ADCK1: variants seen among roughly 807,000 people sequenced by gnomAD.
ADCK1 encodes aarF domain-containing protein kinase 1.
ADCK1 carries 41 observed loss-of-function variants against 52.3 expected under a neutral mutation model. The observed-to-expected ratio is 0.78, with a 90% CI of 0.61 to 1.02. ADCK1 has a LOEUF of 1.02. Ranked by LOEUF, ADCK1 falls within the 50% of genes least tolerant of loss-of-function variation. ADCK1 has a pLI of 0.00. For missense variants in ADCK1, 658 were observed against 679.5 expected, an observed-to-expected ratio of 0.97 and a Z score of 0.35; for synonymous variants, 250 against 274.6, an observed-to-expected ratio of 0.91 and a Z score of 0.89.
At chr14:77,907,037 C>T (rs1328167389) in intron 6 of ADCK1, among the ~76,000 whole-genome samples, 4 of 152,168 alleles carry the variant, frequency 2.6e-5, no homozygotes, top group Non-Finnish European at 4.4e-5. Context: ...CCACCTTAGC[C>T]TCCCAAGCTG....
Position 77,923,891 on chromosome 14 carries a change from G to A in ADCK1, c.859-566G>A, listed in dbSNP as rs189964371. On this transcript the variant is annotated intron_variant, in intron 7 of 10. Coordinates refer to ENST00000238561, the MANE Select transcript of ADCK1 (RefSeq NM_020421.4). This position sits in a 1 kb window ranked among gnomAD's most constrained non-coding sequence, Gnocchi z 4.3. ...CTGGCAGGGAGGGGAGCAGGGAGAGGGGAGGGGAGCAGGGAGAGGGGAGGC... is the reference window on the plus strand; with the variant it reads ...CTGGCAGGGAGGGGAGCAGGGAGAGAGGAGGGGAGCAGGGAGAGGGGAGGC... 1 of 153,554 alleles carries A rather than the reference G, an allele frequency of 6.5e-6. No homozygotes were observed. The highest frequency in any genetic ancestry group is 1.9e-4 in the East Asian group (1 of 5,178). 9.5% of individuals were successfully genotyped at this position (153,554 alleles called of 1,614,324 possible).
chr14:77,914,551 G>T (rs952645856), intron 7 of ADCK1: 2 of 985,288 alleles, frequency 2.0e-6, no homozygotes, highest in Admixed American at 1.2e-4. Context: ...TGTGGGAGAG[G>T]GTGGGGCTGG....
At chr14:77,880,354 A>C (rs894381845) in intron 4 of ADCK1, among the ~76,000 whole-genome samples, 1 of 152,246 alleles carries the variant, frequency 6.6e-6, no homozygotes, top group African/African-American at 2.4e-5. Flanking sequence ...GGAGGGCCTC[A>C]GGTTCTGCTG....
In ADCK1 at chr14:77,859,276, G is replaced by A. The variant is rs1036057735; in HGVS notation, c.420G>A (p.Lys140=). The A allele has an allele frequency of 3.7e-6, 6 of 1,613,140 alleles. No individual in the cohort carries two copies. The highest frequency in any genetic ancestry group is 1.7e-4 in the Middle Eastern group (1 of 6,054). ...AGGTCATCCGAGAAGATCTGGGCAA[G>A]GAGGTACCCACCTTTGCAGGGGGGA... ...IRQVIREDLG[K]EIHDLFQSFD... The change falls in exon 4 of 11, where the codon AAG becomes AAA. Residue 140 remains lysine (K), a synonymous_variant. Coordinates refer to ENST00000238561, the MANE Select transcript of ADCK1 (RefSeq NM_020421.4).
chr14:77,919,753 T>C (rs1385786188), intron 7 of ADCK1, among the ~76,000 whole-genome samples: 12 of 152,196 alleles, frequency 7.9e-5, no homozygotes, highest in Admixed American at 6.5e-4. Context: ...TCTATTATTT[T>C]TGATTTTTTG....
chr14:77,917,166 A>C (rs1397135078), intron 7 of ADCK1, among the ~76,000 whole-genome samples: 1 of 152,194 alleles, frequency 6.6e-6, no homozygotes, highest in East Asian at 1.9e-4. Flanking sequence ...TCGAGGCTGC[A>C]GTGAGCCATG....
In ADCK1 at chr14:77,822,469, T is replaced by A. The variant is rs142005080; in HGVS notation, c.170T>A (p.Leu57Gln). The A allele has an allele frequency of 1.9e-6, 3 of 1,614,132 alleles. No homozygotes were observed. The highest frequency in any genetic ancestry group is 2.5e-6 in the Non-Finnish European group (3 of 1,180,016). Reference sequence around the variant, plus strand: ...ATCAGTTACGACTACCTCACTTCCCTGAAGAGTGTCCCTTATGGCTCAGAG... The same window carrying A: ...ATCAGTTACGACTACCTCACTTCCCAGAAGAGTGTCCCTTATGGCTCAGAG... ...AVISYDYLTS[L>Q]KSVPYGSEEY... Residue 57 changes from leucine (L) to glutamine (Q), a missense_variant, in exon 3 of 11, where the codon CTG becomes CAG. By Grantham distance (113) the Leu-to-Gln change is moderately radical. Transcript: ENST00000238561.
chr14:77,843,798 C>T (rs909980759), intron 3 of ADCK1, among the ~76,000 whole-genome samples: 4 of 152,156 alleles, frequency 2.6e-5, no homozygotes, highest in Non-Finnish European at 4.4e-5. Context: ...TAATTCCTTT[C>T]GCTTAAACTC....
Position 77,842,316 on chromosome 14 carries a change from A to G in ADCK1, c.220-16760A>G, listed in dbSNP as rs1413155455. On this transcript the variant is annotated intron_variant, in intron 3 of 10. Transcript: ENST00000238561. ...AGTTCTTTAATTTCATCTAATTTCTATGTGTGTTCACTTGTCCGCCAAATG... is the reference window on the plus strand; with the variant it reads ...AGTTCTTTAATTTCATCTAATTTCTGTGTGTGTTCACTTGTCCGCCAAATG... 7.9e-5 allele frequency among the ~76,000 whole-genome samples: 12 copies of G among 152,052 alleles called. No individual in the cohort carries two copies. The East Asian group carries it at 1.5e-3, about 20-fold the overall frequency.
chr14:77,852,883 GTATATATATA>G (rs1287274541), intron 3 of ADCK1, among the ~76,000 whole-genome samples: 13 of 18,520 alleles, frequency 7.0e-4, no homozygotes, highest in African/African-American at 3.1e-3. Context: ...TTTTATGTGT[GTATATATATA>G]TATATATATA....
At chr14:77,848,350 T>A (rs550385273) in intron 3 of ADCK1, among the ~76,000 whole-genome samples, 1 of 152,360 alleles carries the variant, frequency 6.6e-6, no homozygotes, top group Non-Finnish European at 1.5e-5. Flanking sequence ...GACCTCTAAC[T>A]TTTTGGAGCC....
intron 1 of ADCK1, among the ~76,000 whole-genome samples, chr14:77,800,649 C>G (rs2139974952): frequency 6.6e-6 from 1 of 152,378 alleles, no homozygotes; most frequent in South Asian, 2.1e-4. Context: ...GAACGTGCCC[C>G]AGACCGCTGC....
At chr14:77,875,664 G>A (rs1335742457) in intron 4 of ADCK1, among the ~76,000 whole-genome samples, 3 of 152,146 alleles carry the variant, frequency 2.0e-5, no homozygotes, top group African/African-American at 7.2e-5. Context: ...CCCCACTGCT[G>A]TGTGTGAACT....
intron 5 of ADCK1, among the ~76,000 whole-genome samples, chr14:77,894,168 G>A (rs1012750064): frequency 1.3e-5 from 2 of 152,176 alleles, no homozygotes; most frequent in Non-Finnish European, 2.9e-5. Flanking sequence ...GGCCACCCAA[G>A]GAAACTTCTC....
At chr14:77,906,387 G>A (rs2140254270) in intron 6 of ADCK1, among the ~76,000 whole-genome samples, 1 of 152,346 alleles carries the variant, frequency 6.6e-6, no homozygotes, top group Admixed American at 6.5e-5. Flanking sequence ...GGGGGTACTG[G>A]TGGGTGTCCC....
intron 1 of ADCK1, among the ~76,000 whole-genome samples, chr14:77,807,067 C>CTTTTTT (rs36088814): frequency 1.8e-4 from 15 of 83,210 alleles, no homozygotes; most frequent in African/African-American, 5.8e-4. Flanking sequence ...GAGACAGAGT[C>CTTTTTT]TTTTTTTTTT....
intron 3 of ADCK1, among the ~76,000 whole-genome samples, chr14:77,858,308 G>A (rs544005836): frequency 6.6e-6 from 1 of 152,216 alleles, no homozygotes; most frequent in South Asian, 2.1e-4. Context: ...TATGATCTCG[G>A]CTCACTGCAA....
intron 3 of ADCK1, among the ~76,000 whole-genome samples, chr14:77,856,070 C>T (rs1016484383): frequency 8.6e-5 from 13 of 151,994 alleles, no homozygotes; most frequent in South Asian, 4.2e-4. Context: ...ATTAGCTAGG[C>T]GTGGTCGCGG....
Position 77,917,042 on chromosome 14 carries a change from A to T in ADCK1, c.859-7415A>T, listed in dbSNP as rs138943411. Among the ~76,000 whole-genome samples, 527 of 152,298 alleles carry T rather than the reference A, an allele frequency of 3.5e-3. 2 individuals carry two copies. Among genetic ancestry groups the T allele is most frequent in the Admixed American group, 6.3e-3 (96 of 15,288 alleles). On this transcript the variant is annotated intron_variant, in intron 7 of 10. Transcript: ENST00000238561. ...GTTTGAGACCATCCCATCCTGGGCA[A>T]CATAGTGAGACCCTGTCTCTACAAA...
Sources: allele counts gnomAD v4.1 joint callset (sites outside exome capture counted in the v4.1 genomes callset), GRCh38; gene constraint gnomAD v4.1.1; non-coding constraint Gnocchi (gnomAD v3.1); transcripts MANE v1.5; gene names NCBI Gene and HGNC (gene_info 2026-07-23, HGNC 2026-07-21).